PIK3C2G: variants seen among roughly 807,000 people sequenced by gnomAD.
PIK3C2G encodes phosphatidylinositol-4-phosphate 3-kinase catalytic subunit type 2 gamma.
Under a neutral mutation model 181.1 loss-of-function variants are expected in PIK3C2G, and 168 were observed. That is an observed-to-expected ratio of 0.93 (90% CI 0.82 to 1.05). The LOEUF is 1.05. PIK3C2G is among the 50% of genes least tolerant of loss of function. The pLI, the probability that PIK3C2G is intolerant of heterozygous loss-of-function variation, is 0.00. For synonymous variants in PIK3C2G, 573 were observed against 592.2 expected (o/e 0.97, Z 0.47); for missense variants, 1,869 against 1,732.8 (o/e 1.08, Z -1.40).
At chr12:18,479,328 G>A (rs1162513633) in intron 18 of PIK3C2G, among the ~76,000 whole-genome samples, 2 of 152,084 alleles carry the variant, frequency 1.3e-5, no homozygotes, top group Non-Finnish European at 2.9e-5. Flanking sequence ...TAACCCCTCA[G>A]CTGGTATCCA....
intron 8 of PIK3C2G, among the ~76,000 whole-genome samples, chr12:18,336,946 G>C (rs1024866016): frequency 7.2e-5 from 11 of 152,090 alleles, no homozygotes; most frequent in African/African-American, 2.4e-4. Context: ...TCTTTGTACT[G>C]ACACTTTGTT....
intron 31 of PIK3C2G, among the ~76,000 whole-genome samples, chr12:18,617,526 A>G (rs989815932): frequency 4.6e-5 from 7 of 152,158 alleles, no homozygotes; most frequent in Non-Finnish European, 1.0e-4. Context: ...ATATTTTTCC[A>G]AGATCTCATA....
chr12:18,300,557 A>T (rs1294728767), intron 5 of PIK3C2G, among the ~76,000 whole-genome samples: 1 of 152,058 alleles, frequency 6.6e-6, no homozygotes, highest in African/African-American at 2.4e-5. Context: ...GTCATTTTTT[A>T]AAATCCATTC....
At chr12:18,435,750 C>T (rs929355511) in intron 18 of PIK3C2G, among the ~76,000 whole-genome samples, 5 of 151,982 alleles carry the variant, frequency 3.3e-5, no homozygotes, top group African/African-American at 1.2e-4. Flanking sequence ...ACACAGTTTT[C>T]CAACTTCTTG....
At chr12:18,612,065 A>G (rs1002211746) in intron 31 of PIK3C2G, among the ~76,000 whole-genome samples, 5 of 152,058 alleles carry the variant, frequency 3.3e-5, no homozygotes, top group Non-Finnish European at 7.4e-5. Context: ...GACCCTGTCA[A>G]TCTTCACTTC....
At chr12:18,717,588 CTAAT>C in the PIK3C2G span, among the ~76,000 whole-genome samples, 1 of 152,136 alleles carries the variant, frequency 6.6e-6, no homozygotes, top group Non-Finnish European at 1.5e-5. Flanking sequence ...CATTTGGAAA[CTAAT>C]TGATATCTCA....
chr12:18,243,727 C>A (rs1948009560), upstream of PIK3C2G, among the ~76,000 whole-genome samples: 1 of 151,818 alleles, frequency 6.6e-6, no homozygotes, highest in Non-Finnish European at 1.5e-5. Context: ...TCCTATAATT[C>A]CTCCATTTTC....
chr12:18,336,255 G>T (rs1290597315), intron 8 of PIK3C2G, among the ~76,000 whole-genome samples: 1 of 152,110 alleles, frequency 6.6e-6, no homozygotes, highest in Non-Finnish European at 1.5e-5. Flanking sequence ...TCACAGAAGA[G>T]GGAGTCTAGG....
At chr12:18,535,619 A>T (rs953620031) in intron 24 of PIK3C2G, among the ~76,000 whole-genome samples, 2 of 152,208 alleles carry the variant, frequency 1.3e-5, no homozygotes, top group Non-Finnish European at 1.5e-5. Flanking sequence ...TAGGAGAAAA[A>T]GTTTCAGGAA....
intron 24 of PIK3C2G, among the ~76,000 whole-genome samples, chr12:18,524,806 G>A (rs756789861): frequency 7.9e-5 from 12 of 151,746 alleles, no homozygotes; most frequent in Admixed American, 1.3e-4. Context: ...GACCTCAGGT[G>A]ATCCACCTGC....
chr12:18,541,125 TG>T (rs1944129061), intron 25 of PIK3C2G, among the ~76,000 whole-genome samples: 3 of 152,022 alleles, frequency 2.0e-5, no homozygotes, highest in Admixed American at 2.0e-4. Flanking sequence ...CTACTTACCA[TG>T]ACCCAGTTAC....
chr12:18,284,935 A>G (rs1949378676), intron 2 of PIK3C2G, among the ~76,000 whole-genome samples: 1 of 152,298 alleles, frequency 6.6e-6, no homozygotes, highest in South Asian at 2.1e-4. Flanking sequence ...GAGGAAAGAA[A>G]AATAGGGAGC....
the PIK3C2G span, among the ~76,000 whole-genome samples, chr12:18,690,641 G>A: frequency 3.9e-5 from 6 of 152,094 alleles, no homozygotes; most frequent in African/African-American, 7.2e-5. Flanking sequence ...AGGGTGTTAC[G>A]GAAAACAGCA....
intron 22 of PIK3C2G, among the ~76,000 whole-genome samples, chr12:18,500,432 C>T (rs1251778987): frequency 6.6e-6 from 1 of 152,198 alleles, no homozygotes; most frequent in Non-Finnish European, 1.5e-5. Flanking sequence ...CTCCCCAAGC[C>T]TCCATGTGCT....
the PIK3C2G span, among the ~76,000 whole-genome samples, chr12:18,669,410 A>T: frequency 2.0e-5 from 3 of 152,244 alleles, no homozygotes; most frequent in African/African-American, 4.8e-5. Flanking sequence ...AATTATCCTC[A>T]CTTTAAATAA....
intron 29 of PIK3C2G, among the ~76,000 whole-genome samples, chr12:18,585,532 C>T (rs1312050740): frequency 6.6e-6 from 1 of 152,034 alleles, no homozygotes. Flanking sequence ...AACACAGGAA[C>T]ACCCAGATTC....
chr12:18,526,617 A>G (rs1592494666), intron 24 of PIK3C2G, among the ~76,000 whole-genome samples: 1 of 152,058 alleles, frequency 6.6e-6, no homozygotes, highest in East Asian at 1.9e-4. Context: ...GAAATTTACC[A>G]AGGGTTTTTT....
intron 16 of PIK3C2G, among the ~76,000 whole-genome samples, chr12:18,401,769 T>C (rs1472752343): frequency 6.6e-6 from 1 of 152,132 alleles, no homozygotes; most frequent in Non-Finnish European, 1.5e-5. Flanking sequence ...ATATGCTCAA[T>C]ATCATTAGCC....
chr12:18,249,825 A>G (rs1157461476), intron 1 of PIK3C2G, among the ~76,000 whole-genome samples: 1 of 152,116 alleles, frequency 6.6e-6, no homozygotes, highest in Non-Finnish European at 1.5e-5. Context: ...TATATTTCAC[A>G]AAGCTAAAAT....
Sources: allele counts gnomAD v4.1 joint callset (sites outside exome capture counted in the v4.1 genomes callset), GRCh38; gene constraint gnomAD v4.1.1; transcripts MANE v1.5; gene names NCBI Gene and HGNC (gene_info 2026-07-23, HGNC 2026-07-21).